Variants in BCAS3 observed in about 807,000 individuals in gnomAD.
The protein encoded by BCAS3 is BCAS3 microtubule associated cell migration factor.
Under a neutral mutation model 116.1 loss-of-function variants are expected in BCAS3, and 53 were observed. That is an observed-to-expected ratio of 0.46 (90% CI 0.37 to 0.57). The LOEUF is 0.57. Ranked by LOEUF, BCAS3 falls within the 20% of genes least tolerant of loss-of-function variation. BCAS3 has a pLI of 0.00. For missense variants in BCAS3, 917 were observed against 1,165.4 expected, an observed-to-expected ratio of 0.79 and a Z score of 3.10; for synonymous variants, 391 against 408.2, an observed-to-expected ratio of 0.96 and a Z score of 0.51.
chr17:61,290,152 G>A (rs932246980), intron 22 of BCAS3, among the ~76,000 whole-genome samples: 8 of 152,138 alleles, frequency 5.3e-5, no homozygotes, highest in South Asian at 2.1e-4. Context: ...TTTGGAGGCC[G>A]AAACTAAGCT....
chr17:60,916,673 T>C (rs981681614), intron 12 of BCAS3, among the ~76,000 whole-genome samples: 1 of 152,174 alleles, frequency 6.6e-6, no homozygotes, highest in Admixed American at 6.5e-5. Flanking sequence ...ATACTTAATA[T>C]TTTTATATTT....
intron 14 of BCAS3, among the ~76,000 whole-genome samples, chr17:60,983,268 A>G (rs779037314): frequency 7.9e-5 from 12 of 152,208 alleles, no homozygotes; most frequent in Admixed American, 5.9e-4. Context: ...ATAACATTCC[A>G]TAATTGAGGT....
At chr17:61,062,474 A>G (rs186192695) in intron 19 of BCAS3, among the ~76,000 whole-genome samples, 2 of 152,272 alleles carry the variant, frequency 1.3e-5, no homozygotes, top group Admixed American at 1.3e-4. Flanking sequence ...AATAGTGTGG[A>G]CTTACTTTTC....
At position 60,904,580 on chromosome 17, in the gene BCAS3, C is replaced by T. The variant is rs143297691; in HGVS notation, c.822+1877C>T. Among the ~76,000 whole-genome samples the T allele has an allele frequency of 3.3e-3, 496 of 152,186 alleles. 5 individuals are homozygous for T. The highest frequency in any genetic ancestry group is 5.8e-3 in the Non-Finnish European group (393 of 68,000). On this transcript the variant is annotated intron_variant, in intron 11 of 23. Coordinates refer to ENST00000407086, the MANE Select transcript of BCAS3 (RefSeq NM_017679.5). ...GATGCTGTGCCTCGTGCCTGTAATACCAGCATTCTGGGAGGCTGAGGTGGG... is the reference window on the plus strand; with the variant it reads ...GATGCTGTGCCTCGTGCCTGTAATATCAGCATTCTGGGAGGCTGAGGTGGG...
In BCAS3 at chr17:61,023,039, C is replaced by T. The variant is rs2065983986; in HGVS notation, c.1637+7138C>T. 6.6e-6 allele frequency among the ~76,000 whole-genome samples: 1 copy of T among 152,128 alleles called. No individual in the cohort carries two copies. Among genetic ancestry groups the T allele is most frequent in the Non-Finnish European group, 1.5e-5 (1 of 68,018 alleles). ...TTTAGCTTCAGTTTCCCCTACAGAT[C>T]AATAGTTTACTACCAGTAATACGAT... On this transcript the variant is annotated intron_variant, in intron 16 of 23. Coordinates refer to ENST00000407086, the MANE Select transcript of BCAS3 (RefSeq NM_017679.5). This position sits in a 1 kb window ranked among gnomAD's most constrained non-coding sequence, Gnocchi z 4.8.
chr17:61,055,351 T>C (rs957754687), intron 19 of BCAS3, among the ~76,000 whole-genome samples: 1 of 152,190 alleles, frequency 6.6e-6, no homozygotes, highest in African/African-American at 2.4e-5. Flanking sequence ...TCTATCAGAG[T>C]TAGAATACAG....
chr17:60,778,658 A>G (rs1355065164), intron 6 of BCAS3, among the ~76,000 whole-genome samples: 1 of 152,168 alleles, frequency 6.6e-6, no homozygotes, highest in Non-Finnish European at 1.5e-5. Flanking sequence ...TTATTTTCCT[A>G]CAGTCTATAA....
At position 61,026,958 on chromosome 17, in the gene BCAS3, C is replaced by G. The variant is rs752909170; in HGVS notation, c.1638-7708C>G. 1.3e-6 allele frequency: 2 copies of G among 1,541,214 alleles called. No individual in the cohort carries two copies. The highest frequency in any genetic ancestry group is 2.7e-5 in the African/African-American group (2 of 73,072). On this transcript the variant is annotated intron_variant, in intron 16 of 23. Transcript: ENST00000407086. This position sits in a 1 kb window ranked among gnomAD's most constrained non-coding sequence, Gnocchi z 5.0. ...ATGCCTCATTCATTTGCTGTACTCTCAAAAAGTAATTTGTTTTGTAGTTTT... is the reference window on the plus strand; with the variant it reads ...ATGCCTCATTCATTTGCTGTACTCTGAAAAAGTAATTTGTTTTGTAGTTTT...
intron 5 of BCAS3, among the ~76,000 whole-genome samples, chr17:60,743,451 T>C (rs899050048): frequency 1.3e-5 from 2 of 151,848 alleles, no homozygotes; most frequent in African/African-American, 4.9e-5. Context: ...ATTCATGTTA[T>C]ACATATACTT....
chr17:61,288,432 A>G (rs535560654), intron 22 of BCAS3, among the ~76,000 whole-genome samples: 1 of 152,296 alleles, frequency 6.6e-6, no homozygotes, highest in East Asian at 1.9e-4. Context: ...TATCAAGTAC[A>G]AGGGCTTTGT....
At chr17:61,064,243 A>G (rs1023329968) in intron 19 of BCAS3, among the ~76,000 whole-genome samples, 19 of 152,100 alleles carry the variant, frequency 1.2e-4, no homozygotes, top group African/African-American at 4.3e-4. Context: ...GCTATAGTGC[A>G]CTATGATGAT....
intron 6 of BCAS3, among the ~76,000 whole-genome samples, chr17:60,786,570 T>TATATATATAA (rs1555715118): frequency 6.8e-6 from 1 of 148,100 alleles, no homozygotes; most frequent in African/African-American, 2.6e-5. Flanking sequence ...TATATATATA[T>TATATATATAA]AAAATGTGTC....
At chr17:61,306,617 A>C (rs991499178) in intron 22 of BCAS3, among the ~76,000 whole-genome samples, 3 of 152,126 alleles carry the variant, frequency 2.0e-5, no homozygotes, top group Non-Finnish European at 4.4e-5. Flanking sequence ...TCTCTACACA[A>C]AGTAATAAAT....
At position 61,343,150 on chromosome 17, in the gene BCAS3, G is replaced by T. The variant is rs1042960171; in HGVS notation, c.2426-25177G>T. ...CACCGAGGAGGGTCAATTCGTGGAG[G>T]GGTGGCACCAAATGCCTCTATCATC... is the stretch of plus-strand genomic sequence containing the variant. On this transcript the variant is annotated intron_variant, in intron 22 of 23. Coordinates refer to ENST00000407086, the MANE Select transcript of BCAS3 (RefSeq NM_017679.5). This position sits in a 1 kb window ranked among gnomAD's most constrained non-coding sequence, Gnocchi z 5.5. 6.6e-6 allele frequency among the ~76,000 whole-genome samples: 1 copy of T among 152,172 alleles called. No homozygotes were observed. The highest frequency in any genetic ancestry group is 1.5e-5 in the Non-Finnish European group (1 of 68,026).
At chr17:60,896,458 T>C (rs1241225229) in intron 10 of BCAS3, among the ~76,000 whole-genome samples, 3 of 152,232 alleles carry the variant, frequency 2.0e-5, no homozygotes, top group Non-Finnish European at 4.4e-5. Context: ...TCTTTAGATA[T>C]AGTATATACT....
At chr17:61,336,470 T>C (rs1184106192) in intron 22 of BCAS3, among the ~76,000 whole-genome samples, 1 of 152,200 alleles carries the variant, frequency 6.6e-6, no homozygotes, top group Non-Finnish European at 1.5e-5. Flanking sequence ...GCTTTCTTCC[T>C]GTTCTCTGTG....
intron 6 of BCAS3, among the ~76,000 whole-genome samples, chr17:60,789,354 G>A (rs1301845435): frequency 1.3e-5 from 2 of 152,088 alleles, no homozygotes; most frequent in Non-Finnish European, 2.9e-5. Flanking sequence ...TGTGTGGTGG[G>A]GGATATTATT....
Position 61,132,429 on chromosome 17 carries a change from T to C in BCAS3, c.2425+47865T>C, listed in dbSNP as rs1196478751. The stretch of plus-strand genomic sequence containing the variant: ...TACCAAATCTTAATGGTAGTCTCAC[T>C]GTCTGTGGCCATGTGAGCTATAATC... On this transcript the variant is annotated intron_variant, in intron 22 of 23. Transcript: ENST00000407086. The surrounding 1 kb of genome is among the most constrained non-coding windows in gnomAD (Gnocchi z 5.1). Among the ~76,000 whole-genome samples the C allele has an allele frequency of 6.6e-6, 1 of 152,246 alleles. No individual in the cohort carries two copies.
chr17:60,701,817 A>AAAGAAAAAACAG (rs1555668134), intron 4 of BCAS3, among the ~76,000 whole-genome samples: 1 of 149,142 alleles, frequency 6.7e-6, no homozygotes, highest in African/African-American at 2.5e-5. Context: ...AAAAAAAAAA[A>AAAGAAAAAACAG]AAAAGAAAAA....
Sources: allele counts gnomAD v4.1 joint callset (sites outside exome capture counted in the v4.1 genomes callset), GRCh38; gene constraint gnomAD v4.1.1; non-coding constraint Gnocchi (gnomAD v3.1); transcripts MANE v1.5; gene names NCBI Gene and HGNC (gene_info 2026-07-23, HGNC 2026-07-21).